Variants in KLK13 observed in about 807,000 individuals in gnomAD.
KLK13 encodes the protein kallikrein related peptidase 13, also known as kallikrein-13.
Under a neutral mutation model 22.4 loss-of-function variants are expected in KLK13, and 19 were observed. The ratio of observed to expected loss-of-function variants is 0.85; its 90% CI spans 0.59 to 1.24. The LOEUF is 1.24. KLK13 is among the 50% of genes most tolerant of loss of function. The pLI, the probability that KLK13 is intolerant of heterozygous loss-of-function variation, is 0.00. For synonymous variants in KLK13, 156 were observed against 141.8 expected (o/e 1.10, Z -0.71); for missense variants, 311 against 347.9 (o/e 0.89, Z 0.84).
intron 1 of KLK13, chr19:51,063,936 T>G: frequency 7.0e-6 from 3 of 430,620 alleles, no homozygotes; most frequent in Non-Finnish European, 1.4e-5. Context: ...CCCGCTAGAC[T>G]CCAGGTGCTG....
intron 1 of KLK13, among the ~76,000 whole-genome samples, chr19:51,062,543 C>T (rs773761859): frequency 4.6e-5 from 7 of 152,180 alleles, no homozygotes; most frequent in Non-Finnish European, 4.4e-5. Flanking sequence ...GCCTGGCACA[C>T]AATGGGGGCT....
At position 51,058,543 on chromosome 19, in the gene KLK13, A is replaced by G; in HGVS notation, c.640T>C (p.Cys214Arg). 1.2e-6 allele frequency: 2 copies of G among 1,614,148 alleles called. No homozygotes were observed. Among genetic ancestry groups the G allele is most frequent in the Non-Finnish European group, 8.5e-7 (1 of 1,180,012 alleles). ...AGTKEGGKDS[C>R]EGDSGGPLVC... is the part of the protein sequence containing the mutation. The stretch of plus-strand genomic sequence containing the variant: ...CACCAGCCTCCCGGCCTCACCTCAC[A>G]GGAGTCTTTGCCACCCTCTTTTGTG... Residue 214 changes from cysteine (C) to arginine (R), a missense_variant, in exon 4 of 5, where the codon TGT becomes CGT. Physicochemically the swap from Cys to Arg is radical, Grantham distance 180 (BLOSUM62 -3). Transcript: ENST00000595793.
In KLK13 at chr19:51,056,422, G is replaced by T; in HGVS notation, c.*165C>A. ...TCTGGGAGACTGCAAGCCTGGCAGT[G>T]CCTGAATGCTTCTGAAACATGGAAT... is the stretch of plus-strand genomic sequence containing the variant. On this transcript the variant is annotated 3_prime_UTR_variant, in exon 5 of 5. Coordinates refer to ENST00000595793, the MANE Select transcript of KLK13 (RefSeq NM_015596.3). 1.3e-6 allele frequency: 1 copy of T among 747,698 alleles called. No homozygotes were observed. Among genetic ancestry groups the T allele is most frequent in the East Asian group, 2.5e-5 (1 of 39,740 alleles). 46.3% of individuals were successfully genotyped at this position (747,698 alleles called of 1,614,324 possible). A position where few individuals can be genotyped will look rare whatever the true frequency, so the allele number is the denominator to read the frequency against.
chr19:51,060,659 G>T, intron 1 of KLK13, 40 bp from the exon 2 acceptor site: 1 of 1,510,496 alleles, frequency 6.6e-7, no homozygotes, highest in Non-Finnish European at 9.0e-7. Context: ...TGGGATCCAG[G>T]GGGCAGAGGA....
chr19:51,060,285 T>G, intron 2 of KLK13, 148 bp downstream of exon 2: 1 of 1,033,192 alleles, frequency 9.7e-7, no homozygotes, highest in East Asian at 2.6e-5. Context: ...CCATACCCAA[T>G]CCCCATATCT....
In KLK13 at chr19:51,059,872, C is replaced by A. The variant is rs778013327; in HGVS notation, c.461G>T (p.Gly154Val). The change falls in exon 3 of 5, where the codon GGC becomes GTC. Residue 154 changes from glycine (G) to valine (V), a missense_variant. Transcript: ENST00000595793. ...PLSHNNRLTP[G>V]TTCRVSGWGT... is the part of the protein sequence containing the mutation. ...CCAGCCAGACACCCGACAGGTGGTG[C>A]CAGGGGTTAGGCGGTTGTTGTGGGA... 1.2e-6 allele frequency: 2 copies of A among 1,603,626 alleles called. No homozygotes were observed. Among genetic ancestry groups the A allele is most frequent in the Non-Finnish European group, 1.7e-6 (2 of 1,174,430 alleles).
At chr19:51,062,792 G>T (rs927289583) in intron 1 of KLK13, among the ~76,000 whole-genome samples, 1 of 152,218 alleles carries the variant, frequency 6.6e-6, no homozygotes, top group Non-Finnish European at 1.5e-5. Flanking sequence ...CAGCACAGCA[G>T]GTGGCATGGA....
Position 51,064,959 on chromosome 19 carries a change from A to G in KLK13, c.52+57T>C, listed in dbSNP as rs1015254069. 2.6e-4 allele frequency: 369 copies of G among 1,428,550 alleles called. 1 individual carries two copies. Among genetic ancestry groups the G allele is most frequent in the Non-Finnish European group, 3.4e-4 (351 of 1,043,666 alleles). The allele number at this position is 1,428,550 out of a possible 1,614,324, so 88.5% of individuals were successfully genotyped here. ...CCACGCCCCCTCCCCCTCCGGCCTG[A>G]CCCCTCCTACCATTGTCCCGAATGG... On this transcript the variant is annotated intron_variant, in intron 1 of 4. Transcript: ENST00000595793.
chr19:51,064,929 G>A, intron 1 of KLK13, 87 bp downstream of exon 1: 1 of 1,133,168 alleles, frequency 8.8e-7, no homozygotes, highest in South Asian at 1.6e-5. Flanking sequence ...CGGAGCTCGC[G>A]GCTCCCACGC....
At chr19:51,056,851 G>A in intron 4 of KLK13, 76 bp from the exon 5 acceptor site, 3 of 1,133,736 alleles carry the variant, frequency 2.6e-6, no homozygotes, top group South Asian at 1.4e-5. Context: ...GGAGGTGTGG[G>A]GAGAGAGTGA....
rs2091670067 is a variant in KLK13 at position 51,055,778 on chromosome 19, A to G, written c.*809T>C. Among the ~76,000 whole-genome samples the G allele has an allele frequency of 6.6e-6, 1 of 152,238 alleles. No individual in the cohort carries two copies. The highest frequency in any genetic ancestry group is 1.9e-4 in the East Asian group (1 of 5,204). ...CTACATTTTAGGGTCATGCACAAAG[A>G]TGTAACAGCAAGGGACACTGACCAA... is the stretch of plus-strand genomic sequence containing the variant. On this transcript the variant is annotated 3_prime_UTR_variant, in exon 5 of 5. Transcript: ENST00000595793.
chr19:51,057,221 C>A (rs912670251), intron 4 of KLK13, among the ~76,000 whole-genome samples: 6 of 152,100 alleles, frequency 3.9e-5, no homozygotes, highest in African/African-American at 1.2e-4. Context: ...CATATCTGGG[C>A]AGGGTATGCA....
intron 1 of KLK13, among the ~76,000 whole-genome samples, chr19:51,061,575 T>G (rs1026556417): frequency 6.6e-6 from 1 of 152,258 alleles, no homozygotes; most frequent in African/African-American, 2.4e-5. Flanking sequence ...AACCAGTTCC[T>G]ATTGGTTTTA....
chr19:51,062,987 G>GT (rs5828455), intron 1 of KLK13, among the ~76,000 whole-genome samples: 24,975 of 152,106 alleles, frequency 0.16, 2,209 homozygotes, highest in Middle Eastern at 0.23. Context: ...TGAGATTTAA[G>GT]TAACGTTAAA....
At chr19:51,062,372 T>A (rs79442943) in intron 1 of KLK13, among the ~76,000 whole-genome samples, 1,589 of 152,312 alleles carry the variant, frequency 0.01, 29 homozygotes, top group African/African-American at 0.037. Flanking sequence ...CCCATTACAT[T>A]CTTCCAGTTG....
chr19:51,056,754 C>T lies in KLK13; in HGVS notation c.667G>A (p.Val223Ile), dbSNP rs779925887. 5 of 1,613,634 alleles carry T rather than the reference C, an allele frequency of 3.1e-6. No homozygotes were observed. The South Asian group carries it at 4.4e-5, about 14-fold the overall frequency. Residue 223 changes from valine to isoleucine, a missense_variant, in exon 5 of 5, where the codon GTC becomes ATC. Val to Ile is a conservative substitution (Grantham distance 29). Transcript: ENST00000595793. ...SCEGDSGGPL[V>I]CNRTLYGIVS... ...ATGCCATACAGTGTTCTGTTACAGA[C>T]CAGGGGGCCCCCAGAGTCACCCTGA...
intron 4 of KLK13, among the ~76,000 whole-genome samples, chr19:51,057,581 C>T (rs914198256): frequency 1.1e-4 from 16 of 152,104 alleles, no homozygotes; most frequent in Non-Finnish European, 2.1e-4. Context: ...AGTCCTTCTG[C>T]CTCAGCCTCC....
chr19:51,065,253 G>C (rs1320804647), upstream of KLK13: 1 of 521,224 alleles, frequency 1.9e-6, no homozygotes, highest in African/African-American at 2.0e-5. Flanking sequence ...CATCCTTGGT[G>C]GGGGTGCAGT....
At position 51,058,527 on chromosome 19, in the gene KLK13, C is replaced by T. The variant is rs4616391; in HGVS notation, c.645+11G>A. On this transcript the variant is annotated intron_variant, in intron 4 of 4. Coordinates refer to ENST00000595793, the MANE Select transcript of KLK13 (RefSeq NM_015596.3). Reference sequence around the variant, plus strand: ...TCCTGTCCAAGGCACCCACCAGCCTCCCGGCCTCACCTCACAGGAGTCTTT... The same window carrying T: ...TCCTGTCCAAGGCACCCACCAGCCTTCCGGCCTCACCTCACAGGAGTCTTT... 1.2e-6 allele frequency: 2 copies of T among 1,613,990 alleles called. No homozygotes were observed. Among genetic ancestry groups the T allele is most frequent in the African/African-American group, 2.7e-5 (2 of 74,934 alleles).
Sources: gnomAD v4.1 joint callset for allele counts (sites outside exome capture counted in the v4.1 genomes callset) on GRCh38, gnomAD v4.1.1 for gene constraint, MANE v1.5 for transcripts, NCBI Gene and HGNC (gene_info 2026-07-23, HGNC 2026-07-21) for gene names.